The following RIMS2 variants were observed in gnomAD, a reference collection of about 807,000 sequenced individuals.
The protein encoded by RIMS2 is regulating synaptic membrane exocytosis 2, also known as regulating synaptic membrane exocytosis protein 2.
Under a neutral mutation model 174.4 loss-of-function variants are expected in RIMS2, and 59 were observed. That is an observed-to-expected ratio of 0.34 (90% CI 0.27 to 0.42). RIMS2 has a LOEUF of 0.42. RIMS2 is among the 10% of genes least tolerant of loss of function. The pLI is 1.00. For synonymous variants in RIMS2, 606 were observed against 572.5 expected, an observed-to-expected ratio of 1.06 and a Z score of -0.84; for missense variants, 1,620 against 1,666.3, an observed-to-expected ratio of 0.97 and a Z score of 0.48.
At chr8:103,586,844 A>G (rs1329270196) in intron 1 of RIMS2, among the ~76,000 whole-genome samples, 1 of 151,980 alleles carries the variant, frequency 6.6e-6, no homozygotes, top group African/African-American at 2.4e-5. Context: ...CTTTAGCCAG[A>G]GTAAGAGAAA....
chr8:103,527,839 C>T (rs1469119518), intron 1 of RIMS2, among the ~76,000 whole-genome samples: 6 of 152,174 alleles, frequency 3.9e-5, no homozygotes, highest in South Asian at 2.1e-4. Context: ...TGAATAGTGC[C>T]GCAGTAAACA....
At chr8:103,846,947 C>G (rs2098970889) in intron 3 of RIMS2, among the ~76,000 whole-genome samples, 1 of 152,058 alleles carries the variant, frequency 6.6e-6, no homozygotes, top group Admixed American at 6.6e-5. Flanking sequence ...ACGAGTCACT[C>G]CAGTGGCTAA....
chr8:103,628,084 T>A (rs896529305), intron 1 of RIMS2, among the ~76,000 whole-genome samples: 2 of 152,160 alleles, frequency 1.3e-5, no homozygotes, highest in Admixed American at 1.3e-4. Flanking sequence ...CATTATAATA[T>A]TAGCAAATTA....
At chr8:103,758,558 A>G (rs551083389) in intron 2 of RIMS2, among the ~76,000 whole-genome samples, 2 of 152,206 alleles carry the variant, frequency 1.3e-5, no homozygotes, top group South Asian at 4.2e-4. Context: ...CACATGCAGC[A>G]CTTCTAGTTC....
intron 1 of RIMS2, among the ~76,000 whole-genome samples, chr8:103,523,808 AT>A (rs1201206761): frequency 2.0e-5 from 3 of 152,054 alleles, no homozygotes; most frequent in African/African-American, 7.2e-5. Flanking sequence ...CTATCTTGAC[AT>A]TTTATTATTT....
chr8:103,861,733 G>A (rs1419303014), intron 3 of RIMS2, among the ~76,000 whole-genome samples: 1 of 152,000 alleles, frequency 6.6e-6, no homozygotes, highest in Non-Finnish European at 1.5e-5. Flanking sequence ...ATGATTGGTG[G>A]TGTTGAGTAT....
intron 13 of RIMS2, among the ~76,000 whole-genome samples, chr8:103,937,084 C>T (rs979047778): frequency 8.7e-5 from 13 of 148,612 alleles, no homozygotes; most frequent in Non-Finnish European, 1.6e-4. Flanking sequence ...GGTGACAGAG[C>T]GAGACTCTGT....
chr8:103,522,992 AT>A (rs1413225153), intron 1 of RIMS2, among the ~76,000 whole-genome samples: 1 of 152,136 alleles, frequency 6.6e-6, no homozygotes, highest in African/African-American at 2.4e-5. Context: ...ATGACAGGGA[AT>A]TTTAGAATCA....
intron 19 of RIMS2, among the ~76,000 whole-genome samples, chr8:104,236,333 A>G (rs1345347915): frequency 6.6e-6 from 1 of 152,174 alleles, no homozygotes; most frequent in Non-Finnish European, 1.5e-5. Context: ...ATACTTTGGT[A>G]CCACATGAAT....
At chr8:103,573,475 G>A (rs889588825) in intron 1 of RIMS2, among the ~76,000 whole-genome samples, 1 of 152,068 alleles carries the variant, frequency 6.6e-6, no homozygotes, top group African/African-American at 2.4e-5. Flanking sequence ...ATTGAATAGG[G>A]TATACTTTCT....
chr8:103,779,921 A>G (rs1201594699), intron 3 of RIMS2, among the ~76,000 whole-genome samples: 1 of 151,932 alleles, frequency 6.6e-6, no homozygotes, highest in Non-Finnish European at 1.5e-5. Context: ...AAAAAGAAAG[A>G]AAGTGAGTTG....
intron 1 of RIMS2, among the ~76,000 whole-genome samples, chr8:103,626,022 T>C (rs574155231): frequency 1.3e-5 from 2 of 152,184 alleles, no homozygotes; most frequent in African/African-American, 4.8e-5. Flanking sequence ...CTTCAAGACC[T>C]AACACAATAC....
intron 2 of RIMS2, among the ~76,000 whole-genome samples, chr8:103,758,375 A>G (rs1021005661): frequency 2.0e-5 from 3 of 152,198 alleles, no homozygotes; most frequent in African/African-American, 4.8e-5. Flanking sequence ...TTATAAATTC[A>G]TATATACAAA....
At chr8:103,614,627 C>T (rs908253915) in intron 1 of RIMS2, among the ~76,000 whole-genome samples, 7 of 152,250 alleles carry the variant, frequency 4.6e-5, no homozygotes, top group Admixed American at 1.3e-4. Flanking sequence ...CCGCCTTCCT[C>T]CAGAGCTTGT....
intron 1 of RIMS2, among the ~76,000 whole-genome samples, chr8:103,576,466 C>G (rs1364804053): frequency 6.6e-6 from 1 of 152,170 alleles, no homozygotes; most frequent in African/African-American, 2.4e-5. Flanking sequence ...GAACCATGGT[C>G]TCCTCAAATG....
intron 3 of RIMS2, among the ~76,000 whole-genome samples, chr8:103,795,660 C>T (rs533998386): frequency 6.6e-6 from 1 of 152,194 alleles, no homozygotes; most frequent in East Asian, 1.9e-4. Context: ...AGATGGCGAA[C>T]ATGCGTCCTA....
chr8:103,827,747 A>C (rs2098800354), intron 3 of RIMS2, among the ~76,000 whole-genome samples: 1 of 152,132 alleles, frequency 6.6e-6, no homozygotes, highest in East Asian at 1.9e-4. Context: ...AGGCAGGAGA[A>C]TCGCTTGAAC....
chr8:103,819,631 T>C, intron 3 of RIMS2: 2 of 1,598,812 alleles, frequency 1.3e-6, no homozygotes, highest in Non-Finnish European at 1.7e-6. Flanking sequence ...CAATGCAAGG[T>C]GAGTAGAGCC....
chr8:104,068,130 A>G (rs1276899037), intron 19 of RIMS2, among the ~76,000 whole-genome samples: 1 of 152,208 alleles, frequency 6.6e-6, no homozygotes, highest in Non-Finnish European at 1.5e-5. Flanking sequence ...TATAACTTTA[A>G]TACCTATAAA....
Sources: gnomAD v4.1 joint callset for allele counts (sites outside exome capture counted in the v4.1 genomes callset) on GRCh38, gnomAD v4.1.1 for gene constraint, MANE v1.5 for transcripts, NCBI Gene and HGNC (gene_info 2026-07-23, HGNC 2026-07-21) for gene names.